Variants in CERK observed in about 807,000 individuals in gnomAD.
CERK encodes the protein acylsphingosine kinase.
In CERK, 39 loss-of-function variants were observed where a neutral mutation model predicts 63.4. The observed-to-expected ratio is 0.61, with a 90% CI of 0.48 to 0.80. CERK has a LOEUF of 0.80. Ranked by LOEUF, CERK falls within the 30% of genes least tolerant of loss-of-function variation. The pLI is 0.00. For synonymous variants in CERK, 302 were observed against 280.0 expected, an observed-to-expected ratio of 1.08 and a Z score of -0.78; for missense variants, 670 against 714.1, an observed-to-expected ratio of 0.94 and a Z score of 0.70.
chr22:46,719,608 G>A (rs1295246987), intron 3 of CERK, among the ~76,000 whole-genome samples: 1 of 152,186 alleles, frequency 6.6e-6, no homozygotes. Context: ...GGAGGTGGTG[G>A]TTGCAGTGAG....
chr22:46,710,081 A>G (rs1030760652), intron 5 of CERK, among the ~76,000 whole-genome samples: 1 of 152,252 alleles, frequency 6.6e-6, no homozygotes, highest in African/African-American at 2.4e-5. Context: ...GAGAAATTTT[A>G]TACTGATAAT....
chr22:46,723,996 C>T (rs1298602043), intron 1 of CERK, among the ~76,000 whole-genome samples: 1 of 152,136 alleles, frequency 6.6e-6, no homozygotes, highest in African/African-American at 2.4e-5. Flanking sequence ...CCGCGCCTGG[C>T]CAGATTTTTC....
At chr22:46,688,107 G>C (rs1418088618) in intron 12 of CERK, among the ~76,000 whole-genome samples, 1 of 152,144 alleles carries the variant, frequency 6.6e-6, no homozygotes, top group Non-Finnish European at 1.5e-5. Flanking sequence ...AGAATTGCTT[G>C]AACCTGGGAG....
At chr22:46,693,634 T>G in intron 9 of CERK, 131 bp from the exon 10 acceptor site, 1 of 709,832 alleles carries the variant, frequency 1.4e-6, no homozygotes, top group Non-Finnish European at 2.4e-6. Context: ...TAACAAAATA[T>G]TTTTTGGCAT....
In CERK at chr22:46,715,741, C is replaced by A. The variant is rs1023203137; in HGVS notation, c.380-3448G>T. Among the ~76,000 whole-genome samples, 3 of 152,210 alleles carry A rather than the reference C, an allele frequency of 2.0e-5. No homozygotes were observed. The East Asian group carries it at 5.8e-4, about 29-fold the overall frequency. ...AAATGAATCTTGACTGCTCACCTCA[C>A]ACTGGACACAAAGATGAATTCCAAA... is the stretch of plus-strand genomic sequence containing the variant. On this transcript the variant is annotated intron_variant, in intron 3 of 12. Coordinates refer to ENST00000216264, the MANE Select transcript of CERK (RefSeq NM_022766.6).
chr22:46,691,229 C>T (rs1007633334), intron 11 of CERK, among the ~76,000 whole-genome samples: 3 of 152,130 alleles, frequency 2.0e-5, no homozygotes, highest in Non-Finnish European at 4.4e-5. Context: ...CGCACGCCAC[C>T]ACGCCTGGCT....
At chr22:46,726,063 C>T (rs533250578) in intron 1 of CERK, among the ~76,000 whole-genome samples, 14 of 152,354 alleles carry the variant, frequency 9.2e-5, no homozygotes, top group African/African-American at 2.6e-4. Flanking sequence ...AGCAGGAGGG[C>T]CCACGGGTTT....
chr22:46,699,500 C>A, intron 7 of CERK, 35 bp from the exon 8 acceptor site: 1 of 1,609,470 alleles, frequency 6.2e-7, no homozygotes, highest in South Asian at 1.1e-5. Context: ...GAAGGCAGCC[C>A]CCCTCCAGCC....
At chr22:46,726,594 C>T (rs1379805010) in intron 1 of CERK, among the ~76,000 whole-genome samples, 1 of 152,214 alleles carries the variant, frequency 6.6e-6, no homozygotes, top group African/African-American at 2.4e-5. Flanking sequence ...ACGCATTTCC[C>T]TGGCAACCCG....
At chr22:46,700,674 C>G (rs183505126) in intron 7 of CERK, among the ~76,000 whole-genome samples, 4 of 152,216 alleles carry the variant, frequency 2.6e-5, no homozygotes, top group African/African-American at 9.6e-5. Flanking sequence ...GATCATGCCA[C>G]TGCACTCCAG....
chr22:46,701,544 G>C, intron 7 of CERK, 92 bp downstream of exon 7: 1 of 1,099,440 alleles, frequency 9.1e-7, no homozygotes, highest in Non-Finnish European at 1.3e-6. Context: ...GACGGCAACG[G>C]CTGGAACACG....
At chr22:46,710,496 G>A (rs1350444373) in intron 5 of CERK, among the ~76,000 whole-genome samples, 4 of 151,576 alleles carry the variant, frequency 2.6e-5, no homozygotes, top group Admixed American at 6.6e-5. Flanking sequence ...GGCTGTACAC[G>A]GCAGAGATTT....
At chr22:46,690,271 C>G in intron 11 of CERK, 71 bp from the exon 12 acceptor site, 1 of 1,264,784 alleles carries the variant, frequency 7.9e-7, no homozygotes, top group Non-Finnish European at 1.1e-6. Context: ...CAGAACACCC[C>G]AGGCCTGACA....
At position 46,689,978 on chromosome 22, in the gene CERK, AC is replaced by A. The variant is rs773980283; in HGVS notation, c.1541+13del. 1.9e-6 allele frequency: 3 copies of A among 1,583,022 alleles called. No homozygotes were observed. Among genetic ancestry groups the A allele is most frequent in the Non-Finnish European group, 1.7e-6 (2 of 1,168,140 alleles). ...AGGGGATGGCGCTGGTGGCTGGAGGACCCCTGCACGCACCTGACCTCGATGG... is the reference window on the plus strand; with the variant it reads ...AGGGGATGGCGCTGGTGGCTGGAGGACCCTGCACGCACCTGACCTCGATGG... On this transcript the variant is annotated intron_variant, in intron 12 of 12. Coordinates refer to ENST00000216264, the MANE Select transcript of CERK (RefSeq NM_022766.6).
At chr22:46,693,689 A>T (rs913253511) in intron 9 of CERK, 186 bp from the exon 10 acceptor site, 1 of 550,278 alleles carries the variant, frequency 1.8e-6, no homozygotes, top group Admixed American at 2.8e-5. Flanking sequence ...ACAATGACAC[A>T]TTCAACATGT....
At chr22:46,712,524 T>C (rs762403464) in intron 3 of CERK, among the ~76,000 whole-genome samples, 1 of 152,184 alleles carries the variant, frequency 6.6e-6, no homozygotes, top group Non-Finnish European at 1.5e-5. Flanking sequence ...TCGGACATCA[T>C]GAAACTCCCA....
At chr22:46,687,271 A>G (rs550320119) in intron 12 of CERK, 65 bp from the exon 13 acceptor site, 2 of 1,179,862 alleles carry the variant, frequency 1.7e-6, no homozygotes, top group African/African-American at 1.8e-5. Context: ...CCTGAGCCCC[A>G]CTCCTGGACA....
intron 1 of CERK, among the ~76,000 whole-genome samples, chr22:46,721,773 C>T (rs1237830257): frequency 2.0e-5 from 3 of 152,134 alleles, no homozygotes; most frequent in African/African-American, 7.2e-5. Context: ...AAGTGTGGCG[C>T]GAACTGGAGT....
intron 9 of CERK, among the ~76,000 whole-genome samples, chr22:46,694,256 C>G (rs1427683758): frequency 6.6e-6 from 1 of 152,158 alleles, no homozygotes; most frequent in Non-Finnish European, 1.5e-5. Flanking sequence ...ACAGGATGAC[C>G]ATTCAGGCGC....
Sources: allele counts gnomAD v4.1 joint callset (sites outside exome capture counted in the v4.1 genomes callset), GRCh38; gene constraint gnomAD v4.1.1; transcripts MANE v1.5; gene names NCBI Gene and HGNC (gene_info 2026-07-23, HGNC 2026-07-21).